UGT1A8: variants seen among roughly 807,000 people sequenced by gnomAD.
The protein encoded by UGT1A8 is UDP glucuronosyltransferase family 1 member A8.
UGT1A8 carries 39 observed loss-of-function variants against 45.3 expected under a neutral mutation model. The observed-to-expected ratio is 0.86, with a 90% CI of 0.67 to 1.12. The LOEUF is 1.12. Among genes scored for constraint, UGT1A8 ranks in the 50% most tolerant of loss-of-function variants. The pLI is 0.00. For missense variants in UGT1A8, 719 were observed against 664.9 expected (o/e 1.08, Z -0.90); for synonymous variants, 275 against 249.2 (o/e 1.10, Z -0.97).
intron 1 of UGT1A8, among the ~76,000 whole-genome samples, chr2:233,700,879 C>CA (rs1321841982): frequency 6.6e-6 from 1 of 152,082 alleles, no homozygotes; most frequent in African/African-American, 2.4e-5. Flanking sequence ...CTCCTCCCCC[C>CA]ACCCCACAAC....
chr2:233,730,990 C>T (rs2078094709), intron 1 of UGT1A8, among the ~76,000 whole-genome samples: 1 of 152,140 alleles, frequency 6.6e-6, no homozygotes, highest in Non-Finnish European at 1.5e-5. Context: ...TTTCTTATTC[C>T]TTGCTGTGCC....
chr2:233,702,923 C>T (rs534007977), intron 1 of UGT1A8, among the ~76,000 whole-genome samples: 90 of 152,206 alleles, frequency 5.9e-4, no homozygotes, highest in African/African-American at 1.1e-3. Flanking sequence ...TATTTTCTTG[C>T]GGAGCCTTGG....
In UGT1A8 at chr2:233,655,983, C is replaced by G. The variant is rs565385915; in HGVS notation, c.855+37421C>G. Reference sequence around the variant, plus strand: ...CTATATTTCTTGGAAAAGGTTACAACCTTCAAGGTGGCCATCTAGCTGGCT... The same window carrying G: ...CTATATTTCTTGGAAAAGGTTACAAGCTTCAAGGTGGCCATCTAGCTGGCT... On this transcript the variant is annotated intron_variant, in intron 1 of 4. Coordinates refer to ENST00000373450, the MANE Select transcript of UGT1A8 (RefSeq NM_019076.5). Among the ~76,000 whole-genome samples, 707 of 152,214 alleles carry G rather than the reference C, an allele frequency of 4.6e-3. 7 individuals are homozygous for G. The highest frequency in any genetic ancestry group is 0.016 in the African/African-American group (672 of 41,532).
intron 1 of UGT1A8, among the ~76,000 whole-genome samples, chr2:233,761,952 C>G (rs1458039003): frequency 6.6e-6 from 1 of 152,184 alleles, no homozygotes; most frequent in Non-Finnish European, 1.5e-5. Context: ...CGTCTGGCTC[C>G]CATTAAGGGG....
At chr2:233,724,087 T>C in intron 1 of UGT1A8, among the ~76,000 whole-genome samples, 2 of 102,630 alleles carry the variant, frequency 1.9e-5, no homozygotes, top group East Asian at 2.4e-4. Flanking sequence ...GAGGGGCTCC[T>C]CACTTCCCAG....
intron 1 of UGT1A8, among the ~76,000 whole-genome samples, chr2:233,670,832 C>G (rs546940150): frequency 6.6e-6 from 1 of 152,300 alleles, no homozygotes; most frequent in South Asian, 2.1e-4. Flanking sequence ...AAGACCGTCT[C>G]TTACTGGCAA....
chr2:233,636,561 T>A, intron 1 of UGT1A8: 1 of 1,614,156 alleles, frequency 6.2e-7, no homozygotes, highest in Non-Finnish European at 8.5e-7. Flanking sequence ...TTCCTTTATG[T>A]GTGTGTCTAC....
chr2:233,772,356 A>C lies in UGT1A8; in HGVS notation c.1390A>C (p.Arg464=), dbSNP rs1468738748. 6.2e-7 allele frequency: 1 copy of C among 1,614,222 alleles called. No homozygotes were observed. Among genetic ancestry groups the C allele is most frequent in the Non-Finnish European group, 8.5e-7 (1 of 1,180,034 alleles). The change falls in exon 5 of 5, where the codon AGG becomes CGG. Residue 464 remains arginine, a synonymous_variant. Transcript: ENST00000373450. ...LAVFWVEFVM[R]HKGAPHLRPA... is the part of the protein sequence containing the mutation. ...CGTGTTCTGGGTGGAGTTTGTGATGAGGCACAAGGGCGCGCCACACCTGCG... is the reference window on the plus strand; with the variant it reads ...CGTGTTCTGGGTGGAGTTTGTGATGCGGCACAAGGGCGCGCCACACCTGCG...
intron 1 of UGT1A8, among the ~76,000 whole-genome samples, chr2:233,700,703 TG>T (rs1389995736): frequency 6.6e-6 from 1 of 152,072 alleles, no homozygotes; most frequent in Non-Finnish European, 1.5e-5. Context: ...ACACTTTGAA[TG>T]TTTTTTTCTT....
intron 1 of UGT1A8, among the ~76,000 whole-genome samples, chr2:233,701,994 C>T (rs1220437125): frequency 6.6e-6 from 1 of 152,050 alleles, no homozygotes; most frequent in South Asian, 2.1e-4. Flanking sequence ...TAACTAAGAT[C>T]AGAGCAGAAC....
At chr2:233,758,820 C>A (rs1028156613) in intron 1 of UGT1A8, among the ~76,000 whole-genome samples, 1 of 152,084 alleles carries the variant, frequency 6.6e-6, no homozygotes, top group African/African-American at 2.4e-5. Flanking sequence ...GCAGTATATC[C>A]CCCCCAAAAA....
intron 1 of UGT1A8, among the ~76,000 whole-genome samples, chr2:233,657,193 C>A (rs1467316199): frequency 6.6e-6 from 1 of 152,236 alleles, no homozygotes; most frequent in Non-Finnish European, 1.5e-5. Flanking sequence ...CATCATCTCA[C>A]CTTTCCTGGC....
At chr2:233,652,326 C>T (rs1375723198) in intron 1 of UGT1A8, among the ~76,000 whole-genome samples, 1 of 152,128 alleles carries the variant, frequency 6.6e-6, no homozygotes, top group Non-Finnish European at 1.5e-5. Context: ...GTAATGAGCA[C>T]CCATATATCC....
chr2:233,747,785 C>T, intron 1 of UGT1A8: 1 of 1,613,494 alleles, frequency 6.2e-7, no homozygotes, highest in Non-Finnish European at 8.5e-7. Context: ...CAAATCCTTC[C>T]TCCTATATTC....
At chr2:233,648,114 T>C in intron 1 of UGT1A8, 1 of 1,436,166 alleles carries the variant, frequency 7.0e-7, no homozygotes, top group Non-Finnish European at 9.4e-7. Context: ...TCATGGCTTT[T>C]GCCAATGCTC....
intron 4 of UGT1A8, chr2:233,770,769 A>G (rs771897694): frequency 2.6e-5 from 4 of 152,220 alleles, no homozygotes; most frequent in Non-Finnish European, 2.9e-5. Flanking sequence ...CATTATAATA[A>G]TGTTTCCAAA....
chr2:233,748,418 A>G (rs1693939912), intron 1 of UGT1A8, among the ~76,000 whole-genome samples: 1 of 151,750 alleles, frequency 6.6e-6, no homozygotes, highest in African/African-American at 2.4e-5. Context: ...TTGAGACTTG[A>G]CCCATCTGGA....
At chr2:233,666,175 CT>C (rs563206394) in intron 1 of UGT1A8, among the ~76,000 whole-genome samples, 3 of 151,928 alleles carry the variant, frequency 2.0e-5, no homozygotes, top group Non-Finnish European at 4.4e-5. Context: ...AGGTGCCAGG[CT>C]TTTTTTTAAT....
chr2:233,634,426 A>G (rs1468498156), intron 1 of UGT1A8, among the ~76,000 whole-genome samples: 3 of 152,080 alleles, frequency 2.0e-5, no homozygotes, highest in African/African-American at 4.8e-5. Context: ...GTCTCCCACT[A>G]TTATTGTATG....
Sources: allele counts gnomAD v4.1 joint callset (sites outside exome capture counted in the v4.1 genomes callset), GRCh38; gene constraint gnomAD v4.1.1; transcripts MANE v1.5; gene names NCBI Gene and HGNC (gene_info 2026-07-23, HGNC 2026-07-21).